SCN8A: variants seen among roughly 807,000 people sequenced by gnomAD.
SCN8A encodes the protein sodium voltage-gated channel alpha subunit 8, also known as sodium channel protein type 8 subunit alpha.
In SCN8A, 30 loss-of-function variants were observed where a neutral mutation model predicts 184.1. The observed-to-expected ratio is 0.16, with a 90% CI of 0.12 to 0.22. The LOEUF is 0.22. SCN8A is among the 10% of genes least tolerant of loss of function. SCN8A has a pLI of 1.00. For missense variants in SCN8A, 1,057 were observed against 2,498.9 expected, an observed-to-expected ratio of 0.42 and a Z score of 12.30; for synonymous variants, 852 against 907.0, an observed-to-expected ratio of 0.94 and a Z score of 1.09.
chr12:51,649,076 G>A (rs868430458), intron 1 of SCN8A, among the ~76,000 whole-genome samples: 1 of 152,102 alleles, frequency 6.6e-6, no homozygotes, highest in East Asian at 1.9e-4. Flanking sequence ...GTTATATAGG[G>A]CCCATGCAAG....
At chr12:51,728,038 G>A (rs749897003) in intron 12 of SCN8A, among the ~76,000 whole-genome samples, 7 of 152,134 alleles carry the variant, frequency 4.6e-5, no homozygotes, top group Non-Finnish European at 1.0e-4. Flanking sequence ...CTGCTCACCC[G>A]TGTTGGTGTA....
At chr12:51,596,463 A>T (rs939088811) in intron 1 of SCN8A, among the ~76,000 whole-genome samples, 1 of 152,304 alleles carries the variant, frequency 6.6e-6, no homozygotes, top group South Asian at 2.1e-4. Context: ...ACTCATGTTT[A>T]GTGACTTCTT....
chr12:51,714,008 T>C (rs1487067697), intron 11 of SCN8A, among the ~76,000 whole-genome samples: 3 of 151,890 alleles, frequency 2.0e-5, no homozygotes, highest in African/African-American at 7.3e-5. Context: ...TCTGCAAATC[T>C]CTTTAATCTG....
At chr12:51,766,380 A>G (rs758971981) in intron 16 of SCN8A, 5 of 324,426 alleles carry the variant, frequency 1.5e-5, no homozygotes, top group South Asian at 3.2e-5. Flanking sequence ...CTTAACGACA[A>G]TTTCTCATCT....
At chr12:51,720,429 G>A (rs1592404252) in intron 11 of SCN8A, among the ~76,000 whole-genome samples, 1 of 141,864 alleles carries the variant, frequency 7.0e-6, no homozygotes, top group Non-Finnish European at 1.5e-5. Flanking sequence ...CACAGGTTGG[G>A]GAACAACACA....
At position 51,721,609 on chromosome 12, in the gene SCN8A, A is replaced by G; in HGVS notation, c.1699A>G (p.Ser567Gly). Residue 567 changes from serine to glycine, a missense_variant, in exon 12 of 27, where the codon AGT becomes GGT. Physicochemically the swap from Ser to Gly is moderately conservative, Grantham distance 56 (BLOSUM62 0). Transcript: ENST00000627620. Reference sequence around the variant, plus strand: ...CCACAACAGCAAGAGCAGCATCTTCAGTTTCAGGGGACCTGGGCGGTTCCG... The same window carrying G: ...CCACAACAGCAAGAGCAGCATCTTCGGTTTCAGGGGACCTGGGCGGTTCCG... ...SRHNSKSSIF[S>G]FRGPGRFRDP... The G allele has an allele frequency of 6.2e-7, 1 of 1,613,250 alleles. No homozygotes were observed. The highest frequency in any genetic ancestry group is 1.3e-5 in the African/African-American group (1 of 74,998).
chr12:51,774,591 GT>G (rs1349365503), intron 20 of SCN8A, among the ~76,000 whole-genome samples: 1 of 152,204 alleles, frequency 6.6e-6, no homozygotes, highest in Non-Finnish European at 1.5e-5. Context: ...CTTTAGTCTG[GT>G]GGGTTTGGCT....
intron 16 of SCN8A, 171 bp downstream of exon 16, chr12:51,766,198 T>G (rs1450128412): frequency 1.5e-6 from 1 of 653,394 alleles, no homozygotes; most frequent in African/African-American, 1.8e-5. Context: ...AGGAGAGAGA[T>G]ACTTACAGAG....
At chr12:51,636,859 T>C (rs989767934) in intron 1 of SCN8A, among the ~76,000 whole-genome samples, 3 of 152,228 alleles carry the variant, frequency 2.0e-5, no homozygotes, top group African/African-American at 7.2e-5. Context: ...AATACATAAA[T>C]ATAAAACGAT....
At chr12:51,679,085 T>TA in intron 2 of SCN8A, among the ~76,000 whole-genome samples, 1 of 46,868 alleles carries the variant, frequency 2.1e-5, no homozygotes, top group South Asian at 4.6e-4. Flanking sequence ...CCAAAAAAAA[T>TA]AAAAAAATAA....
intron 11 of SCN8A, among the ~76,000 whole-genome samples, chr12:51,715,298 G>A (rs1592400327): frequency 6.6e-6 from 1 of 152,062 alleles, no homozygotes; most frequent in Non-Finnish European, 1.5e-5. Context: ...CTTCATCACT[G>A]TCTTATCATC....
At chr12:51,694,440 T>C (rs1941561079) in intron 6 of SCN8A, among the ~76,000 whole-genome samples, 1 of 152,206 alleles carries the variant, frequency 6.6e-6, no homozygotes, top group South Asian at 2.1e-4. Flanking sequence ...TCCTTAAATA[T>C]CCAGCTTTCC....
intron 19 of SCN8A, among the ~76,000 whole-genome samples, chr12:51,772,426 A>G (rs1347231032): frequency 6.6e-6 from 1 of 151,632 alleles, no homozygotes; most frequent in East Asian, 1.9e-4. Flanking sequence ...AAATGAAGCC[A>G]CAGCTAAAAT....
intron 1 of SCN8A, among the ~76,000 whole-genome samples, chr12:51,638,488 CTTTT>C (rs764486546): frequency 1.4e-5 from 2 of 139,604 alleles, no homozygotes; most frequent in African/African-American, 2.6e-5. Flanking sequence ...GGAGTTATTC[CTTTT>C]TTTTTTTTTT....
intron 26 of SCN8A, among the ~76,000 whole-genome samples, chr12:51,801,060 C>T (rs1938543740): frequency 6.6e-6 from 1 of 152,188 alleles, no homozygotes; most frequent in Non-Finnish European, 1.5e-5. Flanking sequence ...TTTCTGCTTA[C>T]ACAAATCAAG....
chr12:51,711,230 T>C (rs923396162), intron 11 of SCN8A, among the ~76,000 whole-genome samples: 3 of 152,376 alleles, frequency 2.0e-5, no homozygotes, highest in Admixed American at 6.5e-5. Flanking sequence ...CTATAGGCTT[T>C]AGTACAAAGG....
At position 51,618,010 on chromosome 12, in the gene SCN8A, C is replaced by T. The variant is rs115681859; in HGVS notation, c.-55+26651C>T. Among the ~76,000 whole-genome samples the T allele has an allele frequency of 3.6e-3, 545 of 152,200 alleles. 5 individuals carry two copies. The highest frequency in any genetic ancestry group is 0.013 in the African/African-American group (523 of 41,522). On this transcript the variant is annotated intron_variant, in intron 1 of 26. Transcript: ENST00000627620. Reference sequence around the variant, plus strand: ...AATTCATATACAGCCTTATTGAGCTCCTTTCTCTTGTTGTTTCCCAGACTT... The same window carrying T: ...AATTCATATACAGCCTTATTGAGCTTCTTTCTCTTGTTGTTTCCCAGACTT...
At chr12:51,742,590 T>TC in intron 12 of SCN8A, among the ~76,000 whole-genome samples, 1 of 151,460 alleles carries the variant, frequency 6.6e-6, no homozygotes, top group Admixed American at 6.6e-5. Flanking sequence ...ATTGTATGTT[T>TC]TTTTTTTTCT....
intron 1 of SCN8A, among the ~76,000 whole-genome samples, chr12:51,616,453 C>CA (rs1054797878): frequency 7.9e-4 from 119 of 150,926 alleles, no homozygotes; most frequent in African/African-American, 2.2e-3. Flanking sequence ...ACTAAAAATA[C>CA]AAAAAAAAAT....
Sources: gnomAD v4.1 joint callset for allele counts (sites outside exome capture counted in the v4.1 genomes callset) on GRCh38, gnomAD v4.1.1 for gene constraint, MANE v1.5 for transcripts, NCBI Gene and HGNC (gene_info 2026-07-23, HGNC 2026-07-21) for gene names.